Variants in CAMTA1 observed in about 807,000 individuals in gnomAD.
The protein encoded by CAMTA1 is calmodulin-binding transcription activator 1.
Under a neutral mutation model 170.9 loss-of-function variants are expected in CAMTA1, and 27 were observed. The observed-to-expected ratio is 0.16, with a 90% CI of 0.12 to 0.22. CAMTA1 has a LOEUF of 0.22. Ranked by LOEUF, CAMTA1 falls within the 10% of genes least tolerant of loss-of-function variation. CAMTA1 has a pLI of 1.00. For synonymous variants in CAMTA1, 833 were observed against 891.5 expected, an observed-to-expected ratio of 0.93 and a Z score of 1.17; for missense variants, 1,619 against 2,217.2, an observed-to-expected ratio of 0.73 and a Z score of 5.42.
chr1:7,507,147 C>G (rs900627546), intron 6 of CAMTA1, among the ~76,000 whole-genome samples: 4 of 148,868 alleles, frequency 2.7e-5, no homozygotes, highest in Admixed American at 2.7e-4. Flanking sequence ...CTCACACTCA[C>G]TCCCACACTC....
Position 7,113,893 on chromosome 1 carries a change from T to C in CAMTA1, c.302+22522T>C, listed in dbSNP as rs1448790934. ...CTACTGGGAGGGTCAGATGGTGAAA[T>C]ACACACAGGAAACCTTGGCTTTGTG... On this transcript the variant is annotated intron_variant, in intron 4 of 22. Transcript: ENST00000303635. This position sits in a 1 kb window ranked among gnomAD's most constrained non-coding sequence, Gnocchi z 4.5. 1.3e-5 allele frequency among the ~76,000 whole-genome samples: 2 copies of C among 152,168 alleles called. No individual in the cohort carries two copies. Among genetic ancestry groups the C allele is most frequent in the East Asian group, 3.9e-4 (2 of 5,180 alleles).
Position 6,830,436 on chromosome 1 carries a change from C to T in CAMTA1, c.234+5226C>T, listed in dbSNP as rs192908910. Among the ~76,000 whole-genome samples, 681 of 151,660 alleles carry T rather than the reference C, an allele frequency of 4.5e-3. 8 individuals carry two copies. The highest frequency in any genetic ancestry group is 0.016 in the African/African-American group (663 of 41,318). On this transcript the variant is annotated intron_variant, in intron 3 of 22. Transcript: ENST00000303635. The stretch of plus-strand genomic sequence containing the variant: ...TCAGCTCACTGCAACCTCCACCTCC[C>T]GGGTTCAAGCGATTCTCCTGCCTCA...
intron 5 of CAMTA1, among the ~76,000 whole-genome samples, chr1:7,377,694 G>A (rs545817728): frequency 6.6e-6 from 1 of 152,144 alleles, no homozygotes; most frequent in Non-Finnish European, 1.5e-5. Context: ...GCCGAGGCAG[G>A]TGATCATTTG....
chr1:7,107,197 A>G (rs1350797596), intron 4 of CAMTA1, among the ~76,000 whole-genome samples: 3 of 152,094 alleles, frequency 2.0e-5, no homozygotes, highest in African/African-American at 7.2e-5. Flanking sequence ...CAAGTCACAC[A>G]TATCTGAGAT....
intron 7 of CAMTA1, among the ~76,000 whole-genome samples, chr1:7,652,106 C>CACCATCTGTGTGGGGGGGT (rs2095852071): frequency 6.6e-6 from 1 of 151,960 alleles, no homozygotes; most frequent in Non-Finnish European, 1.5e-5. Flanking sequence ...ATTGCCCCCA[C>CACCATCTGTGTGGGGGGGT]ACATCCTGTA....
chr1:7,493,648 G>A (rs1393831078), intron 6 of CAMTA1, among the ~76,000 whole-genome samples: 4 of 23,360 alleles, frequency 1.7e-4, no homozygotes, highest in Admixed American at 7.8e-4. Flanking sequence ...GGAACTGGGG[G>A]GGGGGGGGGG....
chr1:7,095,684 AG>A (rs1336209202), intron 4 of CAMTA1, among the ~76,000 whole-genome samples: 1 of 152,222 alleles, frequency 6.6e-6, no homozygotes, highest in Admixed American at 6.5e-5. Flanking sequence ...CTCCAGGCAA[AG>A]GTTCCCTTTG....
intron 3 of CAMTA1, among the ~76,000 whole-genome samples, chr1:7,004,210 A>C (rs1385008527): frequency 6.6e-6 from 1 of 152,260 alleles, no homozygotes; most frequent in African/African-American, 2.4e-5. Context: ...AATAATTGCC[A>C]AGGAGCAGGG....
At chr1:6,894,333 A>G (rs1675193857) in intron 3 of CAMTA1, among the ~76,000 whole-genome samples, 1 of 152,222 alleles carries the variant, frequency 6.6e-6, no homozygotes, top group African/African-American at 2.4e-5. Flanking sequence ...CATGGAATAA[A>G]ATTTAATTAT....
At chr1:7,367,005 C>T (rs1329851734) in intron 5 of CAMTA1, among the ~76,000 whole-genome samples, 3 of 152,162 alleles carry the variant, frequency 2.0e-5, no homozygotes, top group Non-Finnish European at 4.4e-5. Flanking sequence ...CCTGCTGCCT[C>T]CCTCTCTGTG....
rs146142932 is a variant in CAMTA1, at chr1:7,106,760, A to G, written c.302+15389A>G. ...ACGGTAGGCCTTCATTTCAGAGGAGAGCATTTGATGTTGCATCTCATGAAC... is the reference window on the plus strand; with the variant it reads ...ACGGTAGGCCTTCATTTCAGAGGAGGGCATTTGATGTTGCATCTCATGAAC... On this transcript the variant is annotated intron_variant, in intron 4 of 22. Coordinates refer to ENST00000303635, the MANE Select transcript of CAMTA1 (RefSeq NM_015215.4). Among the ~76,000 whole-genome samples, 308 of 151,978 alleles carry G rather than the reference A, an allele frequency of 2.0e-3. 1 individual carries two copies. Among genetic ancestry groups the G allele is most frequent in the Non-Finnish European group, 3.6e-3 (242 of 67,994 alleles).
In CAMTA1 at chr1:7,480,622, T is replaced by C. The variant is rs77760634; in HGVS notation, c.510+12721T>C. Among the ~76,000 whole-genome samples, 802 of 152,142 alleles carry C rather than the reference T, an allele frequency of 5.3e-3. 13 individuals carry two copies. The highest frequency in any genetic ancestry group is 0.018 in the African/African-American group (762 of 41,490). On this transcript the variant is annotated intron_variant, in intron 6 of 22. Coordinates refer to ENST00000303635, the MANE Select transcript of CAMTA1 (RefSeq NM_015215.4). ...CCAGCAGCACCTCTTCAGGCGGCCA[T>C]TCCCTCCTTATGAACGCTCCCTGCT...
intron 6 of CAMTA1, among the ~76,000 whole-genome samples, chr1:7,595,949 A>G (rs2095396282): frequency 2.0e-5 from 3 of 152,176 alleles, no homozygotes; most frequent in Admixed American, 2.0e-4. Flanking sequence ...CCAGGATGAG[A>G]TTAGGGGCCT....
chr1:7,184,317 G>C (rs1450064064), intron 4 of CAMTA1, among the ~76,000 whole-genome samples: 1 of 152,110 alleles, frequency 6.6e-6, no homozygotes, highest in Admixed American at 6.6e-5. Context: ...TAACACAATA[G>C]GGTGTCTATA....
chr1:7,175,581 G>A (rs1650625706), intron 4 of CAMTA1, among the ~76,000 whole-genome samples: 2 of 152,234 alleles, frequency 1.3e-5, no homozygotes, highest in South Asian at 2.1e-4. Context: ...CAGGAATTGC[G>A]TGGGGGGCTG....
chr1:7,026,850 G>A (rs765651391), intron 3 of CAMTA1, among the ~76,000 whole-genome samples: 14 of 151,948 alleles, frequency 9.2e-5, no homozygotes, highest in Admixed American at 2.6e-4. Context: ...GGATGGTCTC[G>A]ATCCCCTGAC....
intron 4 of CAMTA1, among the ~76,000 whole-genome samples, chr1:7,135,107 C>G (rs1239067541): frequency 6.6e-6 from 1 of 152,160 alleles, no homozygotes; most frequent in Non-Finnish European, 1.5e-5. Flanking sequence ...TCAAATAAGG[C>G]CAAGTGCAGT....
chr1:7,388,416 G>C (rs1266795759), intron 5 of CAMTA1: 2 of 152,318 alleles, frequency 1.3e-5, no homozygotes, highest in Non-Finnish European at 2.9e-5. Flanking sequence ...TCCTCTGACC[G>C]TGAGCCTTCC....
At position 7,420,394 on chromosome 1, in the gene CAMTA1, C is replaced by T. The variant is rs376525861; in HGVS notation, c.439-47436C>T. Among the ~76,000 whole-genome samples, 54 of 152,072 alleles carry T rather than the reference C, an allele frequency of 3.6e-4. 1 individual carries two copies. The highest frequency in any genetic ancestry group is 2.2e-3 in the Admixed American group (34 of 15,266). The stretch of plus-strand genomic sequence containing the variant: ...ACAGTGCTGTGTTTACTCATTTGTT[C>T]GCTGTCTGTCTCTCCACTAGAGTGG... On this transcript the variant is annotated intron_variant, in intron 5 of 22. Transcript: ENST00000303635.
Sources: allele counts gnomAD v4.1 joint callset (sites outside exome capture counted in the v4.1 genomes callset), GRCh38; gene constraint gnomAD v4.1.1; non-coding constraint Gnocchi (gnomAD v3.1); transcripts MANE v1.5; gene names NCBI Gene and HGNC (gene_info 2026-07-23, HGNC 2026-07-21).